Variants in EFCAB3 observed in about 807,000 individuals in gnomAD.
EFCAB3 encodes the protein EF-hand calcium binding domain 3.
In EFCAB3, 36 loss-of-function variants were observed where a neutral mutation model predicts 42.2. That is an observed-to-expected ratio of 0.85 (90% CI 0.65 to 1.13). The LOEUF (loss-of-function observed/expected upper bound fraction) is 1.13, where lower values mean the gene tolerates loss of function less well. EFCAB3 is among the 50% of genes most tolerant of loss of function. The pLI is 0.00. For missense variants in EFCAB3, 418 were observed against 505.1 expected (o/e 0.83, Z 1.65); for synonymous variants, 170 against 172.8 (o/e 0.98, Z 0.13).
chr17:62,375,882 A>T (rs73329482), upstream of EFCAB3, among the ~76,000 whole-genome samples: 9,320 of 151,948 alleles, frequency 0.061, 918 homozygotes, highest in African/African-American at 0.21. Context: ...ATCTCTAAAA[A>T]TATATTTTTT....
chr17:62,378,725 A>G (rs2070169885), upstream of EFCAB3, among the ~76,000 whole-genome samples: 1 of 125,808 alleles, frequency 7.9e-6, no homozygotes, highest in East Asian at 2.6e-4. Flanking sequence ...TGAAATGGGC[A>G]TGGACACAGG....
chr17:62,373,467 T>C (rs980889976), intron 1 of EFCAB3, among the ~76,000 whole-genome samples: 2 of 151,080 alleles, frequency 1.3e-5, no homozygotes, highest in Middle Eastern at 3.4e-3. Context: ...AAAAAAATTG[T>C]TTAATGAGCT....
At chr17:62,380,534 T>C (rs1323456206), upstream of EFCAB3, 1 of 985,002 alleles carries the variant, frequency 1.0e-6, no homozygotes, top group African/African-American at 1.7e-5. Context: ...AGGTCACAGT[T>C]GTGTGATGGA....
chr17:62,407,093 G>C lies in EFCAB3; in HGVS notation c.748G>C (p.Asp250His), dbSNP rs1567727986. The C allele has an allele frequency of 6.2e-7, 1 of 1,613,226 alleles. No homozygotes were observed. The highest frequency in any genetic ancestry group is 8.5e-7 in the Non-Finnish European group (1 of 1,179,612). Residue 250 changes from aspartate to histidine, a missense_variant, in exon 8 of 10, where the codon GAT becomes CAT. Asp to His is a moderately conservative substitution (Grantham distance 81). Transcript: ENST00000305286. Reference protein sequence around the residue: ...IPIFPLFPNVDGVVMGKPFKD... With the variant: ...IPIFPLFPNVHGVVMGKPFKD... Reference sequence around the variant, plus strand: ...CATCTTTCCATTGTTCCCTAATGTGGATGGGGTGGTGATGGGAAAGCCATT... The same window carrying C: ...CATCTTTCCATTGTTCCCTAATGTGCATGGGGTGGTGATGGGAAAGCCATT...
At chr17:62,375,162 T>C (rs2144046254) in intron 2 of EFCAB3, among the ~76,000 whole-genome samples, 1 of 152,314 alleles carries the variant, frequency 6.6e-6, no homozygotes, top group African/African-American at 2.4e-5. Context: ...AGGTATATTA[T>C]GCAAGTATCC....
At chr17:62,397,598 T>G in intron 6 of EFCAB3, 1 of 605,936 alleles carries the variant, frequency 1.7e-6, no homozygotes, top group South Asian at 1.4e-5. Flanking sequence ...ACAGCCAAAT[T>G]CTGCCATCAG....
Position 62,391,845 on chromosome 17 carries a change from T to C in EFCAB3, c.175T>C (p.Phe59Leu). 1 of 1,613,646 alleles carries C rather than the reference T, an allele frequency of 6.2e-7. No individual in the cohort carries two copies. Among genetic ancestry groups the C allele is most frequent in the Non-Finnish European group, 8.5e-7 (1 of 1,179,770 alleles). ...AGCTTTCCAAGATGCCTACAACTTC[T>C]TCTACAAGGACAAAACTGGCTGTAT... ...MAAFQDAYNF[F>L]YKDKTGCIDF... Residue 59 changes from phenylalanine to leucine, a missense_variant, in exon 4 of 10, where the codon TTC becomes CTC. Transcript: ENST00000305286.
At chr17:62,397,661 G>T (rs1039335153) in intron 6 of EFCAB3, 1 of 591,668 alleles carries the variant, frequency 1.7e-6, no homozygotes, top group Non-Finnish European at 3.3e-6. Context: ...CACAGCCTTT[G>T]TACCCAATGG....
At chr17:62,391,468 A>G (rs948044024) in intron 3 of EFCAB3, among the ~76,000 whole-genome samples, 3 of 152,094 alleles carry the variant, frequency 2.0e-5, no homozygotes, top group Non-Finnish European at 2.9e-5. Flanking sequence ...TTCTAGCTAT[A>G]TAAGGGATCA....
chr17:62,401,820 G>T (rs1423696499), intron 6 of EFCAB3, among the ~76,000 whole-genome samples: 1 of 152,126 alleles, frequency 6.6e-6, no homozygotes, highest in Non-Finnish European at 1.5e-5. Flanking sequence ...TTCCAATTCT[G>T]TAAAGAAAGT....
chr17:62,408,368 A>C (rs1267047760), intron 8 of EFCAB3, among the ~76,000 whole-genome samples: 1 of 152,182 alleles, frequency 6.6e-6, no homozygotes, highest in African/African-American at 2.4e-5. Context: ...CCTTGCTTCT[A>C]CTATTGTCCC....
At chr17:62,372,630 A>C (rs2070122372) in intron 1 of EFCAB3, among the ~76,000 whole-genome samples, 1 of 152,058 alleles carries the variant, frequency 6.6e-6, no homozygotes, top group African/African-American at 2.4e-5. Flanking sequence ...TCTTGATCTC[A>C]TCTACTCTCT....
chr17:62,374,841 G>A (rs115634202), intron 2 of EFCAB3, among the ~76,000 whole-genome samples: 1,968 of 152,294 alleles, frequency 0.013, 39 homozygotes, highest in African/African-American at 0.045. Context: ...TGCAGGGCAT[G>A]GTGGCTCACT....
intron 6 of EFCAB3, among the ~76,000 whole-genome samples, chr17:62,400,390 T>C (rs554638676): frequency 3.3e-5 from 5 of 152,260 alleles, no homozygotes; most frequent in South Asian, 2.1e-4. Context: ...CCACTGACCC[T>C]ACGACAGGCC....
In EFCAB3 at chr17:62,370,603, C is replaced by G. The variant is rs139876591; in HGVS notation, c.34+281C>G. 7.6e-3 allele frequency among the ~76,000 whole-genome samples: 1,158 copies of G among 151,904 alleles called. 18 individuals are homozygous for G. The highest frequency in any genetic ancestry group is 0.026 in the African/African-American group (1,069 of 41,430). The stretch of plus-strand genomic sequence containing the variant: ...CCCAGGAGGGGGAGGTTGCAGTGAG[C>G]TGAGATTGTGCCATTGCACTCCAGC... On this transcript the variant is annotated intron_variant, in intron 1 of 11. Coordinates refer to the EFCAB3 transcript ENST00000450662.
rs72073771 is a variant in EFCAB3, at chr17:62,381,834, GCC to G, written c.-17-1127_-17-1126del. 1,208 of 435,444 alleles carry G rather than the reference GCC, an allele frequency of 2.8e-3. 18 individuals carry two copies. Among genetic ancestry groups the G allele is most frequent in the African/African-American group, 0.022 (1,100 of 49,300 alleles). The allele number at this position is 435,444 out of a possible 1,614,324, so 27.0% of individuals were successfully genotyped here. A position where few individuals can be genotyped will look rare whatever the true frequency, so the allele number is the denominator to read the frequency against. ...TGGAAAAAGCATTGAAGATGTCATT[GCC>G]CAGGGTATTGGCAAGGTTGCCAGTG... On this transcript the variant is annotated intron_variant, in intron 1 of 9. Transcript: ENST00000305286.
Position 62,383,041 on chromosome 17 carries a change from C to T in EFCAB3, c.62C>T (p.Ser21Phe). Residue 21 changes from serine (S) to phenylalanine (F), a missense_variant, in exon 2 of 10, where the codon TCC (serine) becomes TTC (phenylalanine). Physicochemically the swap from Ser to Phe is radical, Grantham distance 155. Coordinates refer to ENST00000305286, the MANE Select transcript of EFCAB3 (RefSeq NM_173503.4). ...KLNPLTKVPI[S>F]HNKRDRDLPG... ...AATCCTCTAACAAAAGTACCCATCT[C>T]CCACAATAAAAGGTAGGTAATGAAT... is the stretch of plus-strand genomic sequence containing the variant. 6.2e-7 allele frequency: 1 copy of T among 1,612,806 alleles called. No individual in the cohort carries two copies. Among genetic ancestry groups the T allele is most frequent in the Non-Finnish European group, 8.5e-7 (1 of 1,179,424 alleles).
At chr17:62,413,978 G>T (rs1030241558) in intron 9 of EFCAB3, 124 bp downstream of exon 9, 6 of 1,107,204 alleles carry the variant, frequency 5.4e-6, no homozygotes, top group Non-Finnish European at 7.5e-6. Flanking sequence ...AGACAAGGTT[G>T]TTTCTCATGT....
intron 1 of EFCAB3, among the ~76,000 whole-genome samples, chr17:62,381,244 C>T (rs996402566): frequency 3.4e-5 from 5 of 149,050 alleles, no homozygotes; most frequent in Non-Finnish European, 7.4e-5. Flanking sequence ...TGAGAACACG[C>T]GGTGTTCGGT....
Sources: gnomAD v4.1 joint callset for allele counts (sites outside exome capture counted in the v4.1 genomes callset) on GRCh38, gnomAD v4.1.1 for gene constraint, MANE v1.5 for transcripts, NCBI Gene and HGNC (gene_info 2026-07-23, HGNC 2026-07-21) for gene names.